The following IQGAP2 variants were observed in gnomAD, a reference collection of about 807,000 sequenced individuals.
IQGAP2 encodes IQ motif containing GTPase activating protein 2, also known as ras GTPase-activating-like protein IQGAP2.
IQGAP2 carries 173 observed loss-of-function variants against 201.3 expected under a neutral mutation model. The observed-to-expected ratio is 0.86, with a 90% CI of 0.76 to 0.98. The LOEUF (loss-of-function observed/expected upper bound fraction) is 0.98, where lower values mean the gene tolerates loss of function less well. IQGAP2 is among the 50% of genes least tolerant of loss of function. The pLI, the probability that IQGAP2 is intolerant of heterozygous loss-of-function variation, is 0.00. For missense variants in IQGAP2, 1,687 were observed against 1,864.8 expected, an observed-to-expected ratio of 0.90 and a Z score of 1.76; for synonymous variants, 675 against 673.9, an observed-to-expected ratio of 1.00 and a Z score of -0.03.
chr5:76,551,498 G>A (rs1444073330), intron 2 of IQGAP2, among the ~76,000 whole-genome samples: 2 of 149,058 alleles, frequency 1.3e-5, no homozygotes, highest in East Asian at 1.9e-4. Flanking sequence ...GGAGGCCAAG[G>A]CAGGCGGCTG....
At chr5:76,610,535 T>C (rs1330327982) in intron 12 of IQGAP2, among the ~76,000 whole-genome samples, 1 of 149,434 alleles carries the variant, frequency 6.7e-6, no homozygotes, top group Non-Finnish European at 1.5e-5. Context: ...GCCACAGCAC[T>C]CCAGCCTGGG....
chr5:76,628,164 C>A (rs1364968814), intron 14 of IQGAP2, among the ~76,000 whole-genome samples: 2 of 152,208 alleles, frequency 1.3e-5, no homozygotes, highest in Admixed American at 6.5e-5. Flanking sequence ...ACCCCTCCCC[C>A]AAAGGGACCT....
intron 1 of IQGAP2, among the ~76,000 whole-genome samples, chr5:76,416,784 C>T (rs1751430845): frequency 6.6e-6 from 1 of 151,844 alleles, no homozygotes; most frequent in South Asian, 2.1e-4. Flanking sequence ...CCTCGGCTTC[C>T]CAAAGTCCTG....
At position 76,426,493 on chromosome 5, in the gene IQGAP2, G is replaced by A. The variant is rs4473748; in HGVS notation, c.46+22902G>A. On this transcript the variant is annotated intron_variant, in intron 1 of 35. Transcript: ENST00000274364. ...ACAGCATTCCAGAAAAGGGGAAGCC[G>A]GGTTCCTTTTCAGGAAAGTTGAGCT... Among the ~76,000 whole-genome samples the A allele has an allele frequency of 3.1e-3, 468 of 152,302 alleles. 17 individuals are homozygous for A. The highest frequency in any genetic ancestry group is 0.027 in the Admixed American group (412 of 15,298).
chr5:76,440,454 A>G (rs1752962196), intron 1 of IQGAP2, among the ~76,000 whole-genome samples: 1 of 152,202 alleles, frequency 6.6e-6, no homozygotes, highest in South Asian at 2.1e-4. Flanking sequence ...CAAAAGAGGC[A>G]CCTAAAGATG....
At chr5:76,498,353 G>T (rs922462697) in intron 2 of IQGAP2, among the ~76,000 whole-genome samples, 5 of 152,156 alleles carry the variant, frequency 3.3e-5, no homozygotes, top group African/African-American at 1.2e-4. Flanking sequence ...TGGGAATGTG[G>T]CAGATGGTGT....
At chr5:76,618,651 G>T in intron 13 of IQGAP2, 1 of 1,596,914 alleles carries the variant, frequency 6.3e-7, no homozygotes, top group Non-Finnish European at 8.6e-7. Context: ...GCCTGTAATT[G>T]AAAGAAAGTA....
At chr5:76,596,623 A>G (rs940406466) in intron 9 of IQGAP2, among the ~76,000 whole-genome samples, 3 of 152,160 alleles carry the variant, frequency 2.0e-5, no homozygotes, top group African/African-American at 7.2e-5. Context: ...GCCTCAGGAA[A>G]CTTACGATCA....
Position 76,590,455 on chromosome 5 carries a change from G to C in IQGAP2, c.688G>C (p.Ala230Pro). 1 of 1,613,444 alleles carries C rather than the reference G, an allele frequency of 6.2e-7. No homozygotes were observed. The highest frequency in any genetic ancestry group is 8.5e-7 in the Non-Finnish European group (1 of 1,179,674). Reference sequence around the variant, plus strand: ...TAATGAAGCAGTTGAAAAAGGAATAGCAGAGCAAACCGTTGTAACACTAAG... The same window carrying C: ...TAATGAAGCAGTTGAAAAAGGAATACCAGAGCAAACCGTTGTAACACTAAG... Reference protein sequence around the residue: ...AINEAVEKGIAEQTVVTLRNP... With the variant: ...AINEAVEKGIPEQTVVTLRNP... The change falls in exon 8 of 36, where the codon GCA (alanine) becomes CCA (proline). Residue 230 changes from alanine (A) to proline (P), a missense_variant. Physicochemically the swap from Ala to Pro is conservative, Grantham distance 27. Transcript: ENST00000274364.
At chr5:76,517,635 A>G (rs1045890640) in intron 2 of IQGAP2, among the ~76,000 whole-genome samples, 1 of 151,784 alleles carries the variant, frequency 6.6e-6, no homozygotes, top group African/African-American at 2.4e-5. Flanking sequence ...TAAGTATATA[A>G]GAAAGACACT....
chr5:76,527,582 TATA>T (rs936990030), intron 2 of IQGAP2, among the ~76,000 whole-genome samples: 7 of 152,252 alleles, frequency 4.6e-5, no homozygotes, highest in African/African-American at 1.7e-4. Flanking sequence ...ATTTTCAACA[TATA>T]ATAATTTATT....
At chr5:76,552,862 C>T (rs926186073) in intron 2 of IQGAP2, among the ~76,000 whole-genome samples, 1 of 152,098 alleles carries the variant, frequency 6.6e-6, no homozygotes, top group Non-Finnish European at 1.5e-5. Context: ...CAGTCTGTTC[C>T]ACTCCTACTA....
At chr5:76,628,560 C>T (rs964569787) in intron 14 of IQGAP2, 32 of 323,892 alleles carry the variant, frequency 9.9e-5, no homozygotes, top group African/African-American at 4.7e-4. Context: ...CTAACATTCT[C>T]CATATATAAA....
chr5:76,469,475 A>T (rs1407268632), intron 2 of IQGAP2, among the ~76,000 whole-genome samples: 5 of 151,484 alleles, frequency 3.3e-5, no homozygotes, highest in African/African-American at 1.2e-4. Context: ...ATCTCGGCTC[A>T]CCGTAACCTC....
chr5:76,421,427 A>G (rs1450977059), intron 1 of IQGAP2, among the ~76,000 whole-genome samples: 1 of 152,106 alleles, frequency 6.6e-6, no homozygotes, highest in African/African-American at 2.4e-5. Flanking sequence ...CAGCCTGGGC[A>G]ACATGGCAAA....
chr5:76,604,313 C>CT (rs142119457), intron 11 of IQGAP2, among the ~76,000 whole-genome samples: 63,090 of 150,598 alleles, frequency 0.42, 13,587 homozygotes, highest in South Asian at 0.59. Context: ...TGAACTCATC[C>CT]TTTTTTTTTA....
chr5:76,655,997 C>G (rs1752881205), intron 20 of IQGAP2, among the ~76,000 whole-genome samples: 1 of 152,098 alleles, frequency 6.6e-6, no homozygotes, highest in Non-Finnish European at 1.5e-5. Context: ...CTTTTATTGT[C>G]TAAAGTTTGT....
intron 2 of IQGAP2, among the ~76,000 whole-genome samples, chr5:76,516,005 G>T (rs146729391): frequency 6.6e-6 from 1 of 151,022 alleles, no homozygotes; most frequent in African/African-American, 2.4e-5. Context: ...AGCCTCTTGA[G>T]TAGCTGGGAC....
intron 17 of IQGAP2, among the ~76,000 whole-genome samples, chr5:76,651,633 A>G (rs541267453): frequency 4.6e-5 from 7 of 152,260 alleles, no homozygotes; most frequent in South Asian, 4.1e-4. Context: ...GTATATTTGT[A>G]TGATGTTACC....
Sources: allele counts gnomAD v4.1 joint callset (sites outside exome capture counted in the v4.1 genomes callset), GRCh38; gene constraint gnomAD v4.1.1; transcripts MANE v1.5; gene names NCBI Gene and HGNC (gene_info 2026-07-23, HGNC 2026-07-21).